Variants in RIMS1 observed in about 807,000 individuals in gnomAD.
RIMS1 encodes the protein regulating synaptic membrane exocytosis protein 1.
RIMS1 carries 83 observed loss-of-function variants against 214.1 expected under a neutral mutation model. That is an observed-to-expected ratio of 0.39 (90% confidence interval 0.32 to 0.47). The LOEUF is 0.47. RIMS1 is among the 20% of genes least tolerant of loss of function. The pLI, the probability that RIMS1 is intolerant of heterozygous loss-of-function variation, is 0.99. For missense variants in RIMS1, 2,050 were observed against 2,161.8 expected (o/e 0.95, Z 1.03); for synonymous variants, 793 against 786.8 (o/e 1.01, Z -0.13).
intron 4 of RIMS1, among the ~76,000 whole-genome samples, chr6:72,144,539 A>G (rs775563947): frequency 6.6e-6 from 1 of 152,100 alleles, no homozygotes; most frequent in Non-Finnish European, 1.5e-5. Context: ...ACATGAACAG[A>G]TAATTGGTGG....
At chr6:71,986,149 A>G (rs1799870419) in intron 2 of RIMS1, among the ~76,000 whole-genome samples, 1 of 150,696 alleles carries the variant, frequency 6.6e-6, no homozygotes, top group African/African-American at 2.4e-5. Context: ...AGAAATTCAA[A>G]CTTAACTTGA....
At chr6:71,894,495 G>C (rs1471444745) in intron 1 of RIMS1, among the ~76,000 whole-genome samples, 1 of 152,044 alleles carries the variant, frequency 6.6e-6, no homozygotes, top group African/African-American at 2.4e-5. Context: ...TCAACAGAAT[G>C]ATGCTTTTTA....
intron 6 of RIMS1, among the ~76,000 whole-genome samples, chr6:72,184,493 A>G (rs1314663417): frequency 6.6e-6 from 1 of 152,220 alleles, no homozygotes; most frequent in East Asian, 1.9e-4. Flanking sequence ...TTGCTATAAA[A>G]ATGTGTATCT....
intron 23 of RIMS1, among the ~76,000 whole-genome samples, chr6:72,281,995 G>T (rs1166819052): frequency 6.6e-6 from 1 of 151,752 alleles, no homozygotes; most frequent in Non-Finnish European, 1.5e-5. Context: ...CAACCACCTA[G>T]AACAGTGCCT....
At chr6:72,275,221 G>T (rs530730509) in intron 23 of RIMS1, among the ~76,000 whole-genome samples, 2 of 141,298 alleles carry the variant, frequency 1.4e-5, no homozygotes, top group Non-Finnish European at 3.0e-5. Flanking sequence ...GGTCACAAAG[G>T]TTTTTGGGTG....
chr6:71,962,834 TA>T (rs1482872694), intron 1 of RIMS1, among the ~76,000 whole-genome samples: 1 of 152,202 alleles, frequency 6.6e-6, no homozygotes, highest in Non-Finnish European at 1.5e-5. Flanking sequence ...TTTTCACCTT[TA>T]TTTTTTTGTA....
intron 6 of RIMS1, among the ~76,000 whole-genome samples, chr6:72,199,434 A>G (rs1296709966): frequency 1.3e-5 from 2 of 152,076 alleles, no homozygotes; most frequent in African/African-American, 4.8e-5. Context: ...TTTAGATGTA[A>G]TGATATTGTA....
At position 72,259,029 on chromosome 6, in the gene RIMS1, A is replaced by G. The variant is rs200217239; in HGVS notation, c.2971A>G (p.Thr991Ala). ...TCCAACAAGAAGGTCACGTTCTCCA[A>G]CCAGACACCATGATGCCTCCCGAAG... Reference protein sequence around the residue: ...IHPTRRSRSPTRHHDASRSPV... With the variant: ...IHPTRRSRSPARHHDASRSPV... Residue 991 changes from threonine to alanine, a missense_variant, in exon 18 of 34, where the codon ACC becomes GCC. By Grantham distance (58) the Thr-to-Ala change is moderately conservative (BLOSUM62 0). Around this residue, in one of 6 missense-constraint regions of RIMS1, gnomAD observed 889 missense variants for 885.5 expected, o/e 1.00. Coordinates refer to ENST00000521978, the MANE Select transcript of RIMS1 (RefSeq NM_014989.7). 6.2e-7 allele frequency: 1 copy of G among 1,612,736 alleles called. No individual in the cohort carries two copies.
intron 4 of RIMS1, among the ~76,000 whole-genome samples, chr6:72,162,370 G>A (rs2045569591): frequency 7.1e-6 from 1 of 140,704 alleles, no homozygotes; most frequent in South Asian, 2.4e-4. Context: ...TTTAATTGGA[G>A]CATTTAGCCC....
chr6:72,335,424 A>G (rs554786908), intron 29 of RIMS1, among the ~76,000 whole-genome samples: 14 of 152,100 alleles, frequency 9.2e-5, no homozygotes, highest in Non-Finnish European at 1.6e-4. Context: ...TTATGGCTGC[A>G]TAGTATTCCA....
At chr6:72,023,784 A>G (rs1585104241) in intron 2 of RIMS1, among the ~76,000 whole-genome samples, 1 of 151,990 alleles carries the variant, frequency 6.6e-6, no homozygotes, top group Non-Finnish European at 1.5e-5. Flanking sequence ...ATTTATAGAG[A>G]TATTTACTTC....
intron 1 of RIMS1, among the ~76,000 whole-genome samples, chr6:71,927,101 A>C (rs537811001): frequency 1.8e-3 from 276 of 152,268 alleles, no homozygotes; most frequent in Non-Finnish European, 3.2e-3. Flanking sequence ...GGCAGAAAAA[A>C]ATTTAGAAGA....
rs188461553 is a variant in RIMS1 at position 71,911,572 on chromosome 6, A to G, written c.164+24385A>G. Among the ~76,000 whole-genome samples, 42 of 152,270 alleles carry G rather than the reference A, an allele frequency of 2.8e-4. 2 individuals are homozygous for G. In the East Asian group the frequency reaches 8.1e-3, roughly 29 times the overall value. On this transcript the variant is annotated intron_variant, in intron 1 of 33. Coordinates refer to ENST00000521978, the MANE Select transcript of RIMS1 (RefSeq NM_014989.7). The stretch of plus-strand genomic sequence containing the variant: ...GGCCCTTGGTGGATTTAGCACTGGA[A>G]ATATAAACATTCATTTAAATGAAGT...
At chr6:71,934,820 C>T (rs1784020703) in intron 1 of RIMS1, among the ~76,000 whole-genome samples, 1 of 152,138 alleles carries the variant, frequency 6.6e-6, no homozygotes. Context: ...TATTGGAGCG[C>T]TCTGCCATTA....
At chr6:72,042,119 T>A (rs1029261646) in intron 2 of RIMS1, among the ~76,000 whole-genome samples, 3 of 151,966 alleles carry the variant, frequency 2.0e-5, no homozygotes, top group African/African-American at 7.2e-5. Context: ...GAGCATATTT[T>A]AAGATAACAC....
chr6:72,019,714 C>T lies in RIMS1; in HGVS notation c.245+50651C>T, dbSNP rs570109865. On this transcript the variant is annotated intron_variant, in intron 2 of 33. Coordinates refer to ENST00000521978, the MANE Select transcript of RIMS1 (RefSeq NM_014989.7). Reference sequence around the variant, plus strand: ...AATATATTTTCCCTTTCCTGTTCTTCTTGGTTTCTGTGCTGAATCTTGGCT... The same window carrying T: ...AATATATTTTCCCTTTCCTGTTCTTTTTGGTTTCTGTGCTGAATCTTGGCT... 1.0e-3 allele frequency among the ~76,000 whole-genome samples: 156 copies of T among 152,230 alleles called. 1 individual carries two copies. The highest frequency in any genetic ancestry group is 3.3e-3 in the African/African-American group (136 of 41,534).
chr6:72,020,559 A>G (rs1814302887), intron 2 of RIMS1, among the ~76,000 whole-genome samples: 1 of 151,964 alleles, frequency 6.6e-6, no homozygotes, highest in African/African-American at 2.4e-5. Context: ...TTCCTTCACT[A>G]CATCTGTTGG....
intron 4 of RIMS1, among the ~76,000 whole-genome samples, chr6:72,125,856 A>G (rs2039404195): frequency 6.6e-6 from 1 of 152,192 alleles, no homozygotes; most frequent in Non-Finnish European, 1.5e-5. Flanking sequence ...GTGCAGTATT[A>G]GGGAGGGAGA....
intron 2 of RIMS1, among the ~76,000 whole-genome samples, chr6:72,042,274 T>C (rs1821664825): frequency 6.6e-6 from 1 of 151,802 alleles, no homozygotes; most frequent in Admixed American, 6.6e-5. Context: ...ACCCTGCTGA[T>C]CAGGAGCTGC....
Sources: allele counts gnomAD v4.1 joint callset (sites outside exome capture counted in the v4.1 genomes callset), GRCh38; gene constraint gnomAD v4.1.1; regional missense constraint gnomAD v4.1.1; transcripts MANE v1.5; gene names NCBI Gene and HGNC (gene_info 2026-07-23, HGNC 2026-07-21).